NFKBIL1: variants seen among roughly 807,000 people sequenced by gnomAD.
The protein encoded by NFKBIL1 is NF-kappa-B inhibitor-like protein 1.
In NFKBIL1, 30 loss-of-function variants were observed where a neutral mutation model predicts 45.4. The ratio of observed to expected loss-of-function variants is 0.66; its 90% CI spans 0.49 to 0.90. The LOEUF (loss-of-function observed/expected upper bound fraction) is 0.90, where lower values mean the gene tolerates loss of function less well. Ranked by LOEUF, NFKBIL1 falls within the 40% of genes least tolerant of loss-of-function variation. The probability of loss-of-function intolerance (pLI) is 0.00; values close to 1 mark genes in which losing one functional copy is unlikely to be tolerated. For synonymous variants in NFKBIL1, 179 were observed against 197.3 expected (o/e 0.91, Z 0.78); for missense variants, 434 against 513.4 (o/e 0.85, Z 1.49).
chr6:31,553,172 G>A (rs1221950560), intron 2 of NFKBIL1, among the ~76,000 whole-genome samples: 3 of 151,002 alleles, frequency 2.0e-5, no homozygotes, highest in South Asian at 2.1e-4. Context: ...CTCCTGAGTA[G>A]CTGGGCACCT....
Position 31,557,970 on chromosome 6 carries a change from T to C in NFKBIL1, c.557-52T>C. The C allele has an allele frequency of 2.0e-6, 3 of 1,504,080 alleles. No homozygotes were observed. The highest frequency in any genetic ancestry group is 1.8e-6 in the Non-Finnish European group (2 of 1,114,562). The allele number at this position is 1,504,080 out of a possible 1,614,324, so 93.2% of individuals were successfully genotyped here. On this transcript the variant is annotated intron_variant, in intron 3 of 3. Transcript: ENST00000376148. The surrounding 1 kb of genome is among the most constrained non-coding windows in gnomAD (Gnocchi z 5.4). Reference sequence around the variant, plus strand: ...GTGCTTCCCTGCTTCTTGGGGCCCATCACCTTCTCACAGCCTCTCTCCAAC... The same window carrying C: ...GTGCTTCCCTGCTTCTTGGGGCCCACCACCTTCTCACAGCCTCTCTCCAAC...
chr6:31,552,685 C>CTTTTT (rs9279343), intron 2 of NFKBIL1, among the ~76,000 whole-genome samples: 3 of 55,558 alleles, frequency 5.4e-5, no homozygotes, highest in Admixed American at 5.3e-4. Context: ...GGCGGCATTT[C>CTTTTT]TTTTTTTTTT....
chr6:31,554,814 T>C (rs1769625371), intron 2 of NFKBIL1, among the ~76,000 whole-genome samples: 1 of 152,200 alleles, frequency 6.6e-6, no homozygotes, highest in Non-Finnish European at 1.5e-5. Context: ...AGGCTGAACA[T>C]TTTTTGAAAC....
Position 31,557,912 on chromosome 6 carries a change from T to C in NFKBIL1, c.556+63T>C, listed in dbSNP as rs906065669. Reference sequence around the variant, plus strand: ...ACTGGCTGCTTTCCATCTGCATGAATGCGTCACACTAGGCTCCTCTGCCCC... The same window carrying C: ...ACTGGCTGCTTTCCATCTGCATGAACGCGTCACACTAGGCTCCTCTGCCCC... On this transcript the variant is annotated intron_variant, in intron 3 of 3. Transcript: ENST00000376148. This position sits in a 1 kb window ranked among gnomAD's most constrained non-coding sequence, Gnocchi z 5.4. 10 of 1,512,950 alleles carry C rather than the reference T, an allele frequency of 6.6e-6. No individual in the cohort carries two copies. Among genetic ancestry groups the C allele is most frequent in the Non-Finnish European group, 8.1e-6 (9 of 1,115,738 alleles). 93.7% of individuals were successfully genotyped at this position (1,512,950 alleles called of 1,614,324 possible). A position where few individuals can be genotyped will look rare whatever the true frequency, so the allele number is the denominator to read the frequency against.
At chr6:31,549,106 CATTG>C (rs1488629754) in intron 2 of NFKBIL1, among the ~76,000 whole-genome samples, 1 of 152,132 alleles carries the variant, frequency 6.6e-6, no homozygotes, top group Admixed American at 6.5e-5. Flanking sequence ...TAGCATTGTA[CATTG>C]ATTGTGCCCA....
At chr6:31,555,905 C>T (rs904394437) in intron 2 of NFKBIL1, among the ~76,000 whole-genome samples, 4 of 150,660 alleles carry the variant, frequency 2.7e-5, no homozygotes, top group Admixed American at 1.3e-4. Context: ...ATTGTCCCCC[C>T]CCCCCAGCCT....
rs1002153130 is a variant in NFKBIL1 at position 31,558,449 on chromosome 6, G to A, written c.984G>A (p.Gly328=). ...VARGPPLEEQ[G]ALRRYLRVQQ... is the part of the protein sequence containing the mutation. ...GGGGCCCCCCTTTGGAGGAACAGGG[G>A]GCTCTGAGGAGGTACTTGAGGGTCC... The change falls in exon 4 of 4, where the codon GGG becomes GGA. Residue 328 remains glycine, a synonymous_variant. Transcript: ENST00000376148. This position sits in a 1 kb window ranked among gnomAD's most constrained non-coding sequence, Gnocchi z 7.2. 1 of 1,551,048 alleles carries A rather than the reference G, an allele frequency of 6.4e-7. No individual in the cohort carries two copies. Among genetic ancestry groups the A allele is most frequent in the East Asian group, 2.4e-5 (1 of 41,050 alleles).
In NFKBIL1 at chr6:31,548,392, G is replaced by A. The variant is rs777929159; in HGVS notation, c.287G>A (p.Arg96His). 1.3e-6 allele frequency: 2 copies of A among 1,551,464 alleles called. No homozygotes were observed. Among genetic ancestry groups the A allele is most frequent in the African/African-American group, 1.4e-5 (1 of 73,518 alleles). ...GGGGCTGACCCTGCCCACCAGGACC[G>A]CCATGGGGACACGGCACTGCATGCT... ...RLGADPAHQD[R>H]HGDTALHAAA... The change falls in exon 2 of 4, where the codon CGC becomes CAC. Residue 96 changes from arginine to histidine, a missense_variant. By Grantham distance (29) the Arg-to-His change is conservative (BLOSUM62 0). Transcript: ENST00000376148.
intron 2 of NFKBIL1, chr6:31,556,614 A>G (rs1387893726): frequency 2.2e-6 from 1 of 447,156 alleles, no homozygotes; most frequent in Non-Finnish European, 4.6e-6. Flanking sequence ...AGGGGAGTTC[A>G]GGAACGTCGG....
At chr6:31,551,489 T>C (rs1769425819) in intron 2 of NFKBIL1, among the ~76,000 whole-genome samples, 1 of 152,250 alleles carries the variant, frequency 6.6e-6, no homozygotes, top group African/African-American at 2.4e-5. Flanking sequence ...TCCCAGACCC[T>C]GGTGTCCTCT....
chr6:31,548,189 C>G lies in NFKBIL1; in HGVS notation c.84C>G (p.Ser28=). ...CCAAGAGTTCCATGGCCTCCACTTCCCGCCGCCAACGCCGAGAACGTCGCT... is the reference window on the plus strand; with the variant it reads ...CCAAGAGTTCCATGGCCTCCACTTCGCGCCGCCAACGCCGAGAACGTCGCT... The part of the protein sequence containing the change: ...CRPKSSMAST[S]RRQRRERRFR... The change falls in exon 2 of 4, where the codon TCC becomes TCG. Residue 28 remains serine, a synonymous_variant. Coordinates refer to ENST00000376148, the MANE Select transcript of NFKBIL1 (RefSeq NM_005007.4). The G allele has an allele frequency of 6.2e-7, 1 of 1,613,158 alleles. No homozygotes were observed. The highest frequency in any genetic ancestry group is 8.5e-7 in the Non-Finnish European group (1 of 1,180,052).
In NFKBIL1 at chr6:31,548,221, G is replaced by A. The variant is rs780529645; in HGVS notation, c.116G>A (p.Arg39His). The A allele has an allele frequency of 3.1e-6, 5 of 1,613,120 alleles. No individual in the cohort carries two copies. Among genetic ancestry groups the A allele is most frequent in the African/African-American group, 1.3e-5 (1 of 75,054 alleles). Residue 39 changes from arginine to histidine, a missense_variant, in exon 2 of 4, where the codon CGT becomes CAT. By Grantham distance (29) the Arg-to-His change is conservative. This residue lies in a region of NFKBIL1 where 231 missense variants were observed against 264.1 expected (regional missense o/e 0.87). Transcript: ENST00000376148. ...RRQRRERRFR[R>H]YLSAGRLVRA... ...CAACGCCGAGAACGTCGCTTTCGTC[G>A]TTACTTGTCTGCAGGACGGCTGGTC...
At position 31,557,233 on chromosome 6, in the gene NFKBIL1, G is replaced by A. The variant is rs943353073; in HGVS notation, c.335-395G>A. Among the ~76,000 whole-genome samples, 3 of 150,654 alleles carry A rather than the reference G, an allele frequency of 2.0e-5. No individual in the cohort carries two copies. Among genetic ancestry groups the A allele is most frequent in the African/African-American group, 5.0e-5 (2 of 40,374 alleles). On this transcript the variant is annotated intron_variant, in intron 2 of 3. Transcript: ENST00000376148. This position sits in a 1 kb window ranked among gnomAD's most constrained non-coding sequence, Gnocchi z 5.4. ...CATCATTCTCCTGCCTCAGCCTGCC[G>A]AGTAGCTGGGACTGCAGGCGCCCGC...
At chr6:31,555,235 C>CT (rs9279346) in intron 2 of NFKBIL1, among the ~76,000 whole-genome samples, 17,231 of 125,046 alleles carry the variant, frequency 0.14, 1,624 homozygotes, top group South Asian at 0.22. Context: ...TATTTTTTTT[C>CT]TTTTTTTTTT....
chr6:31,556,784 G>A (rs1562454876), intron 2 of NFKBIL1: 1 of 456,508 alleles, frequency 2.2e-6, no homozygotes, highest in Non-Finnish European at 4.4e-6. Context: ...TCATCCCCTG[G>A]TAAGGCTGGC....
rs9279343 is a variant in NFKBIL1 at position 31,552,685 on chromosome 6, CTTT to C, written c.334+4271_334+4273del. ...GTAAATCGCTATAAAGGCGGCATTT[CTTT>C]TTTTTTTTTTTTTTTTTTTTTTTTG... On this transcript the variant is annotated intron_variant, in intron 2 of 3. Coordinates refer to ENST00000376148, the MANE Select transcript of NFKBIL1 (RefSeq NM_005007.4). 9.1e-3 allele frequency among the ~76,000 whole-genome samples: 506 copies of C among 55,548 alleles called. 1 individual carries two copies. Among genetic ancestry groups the C allele is most frequent in the South Asian group, 0.034 (37 of 1,102 alleles). 36.4% of individuals were successfully genotyped at this position (55,548 alleles called of 152,430 possible). A position where few individuals can be genotyped will look rare whatever the true frequency, so the allele number is the denominator to read the frequency against.
At chr6:31,556,579 T>A in intron 2 of NFKBIL1, 1 of 410,542 alleles carries the variant, frequency 2.4e-6, no homozygotes, top group Non-Finnish European at 5.1e-6. Context: ...TTGGGCCAGA[T>A]GCAGCAAGGT....
chr6:31,553,171 AGC>A (rs1439424993), intron 2 of NFKBIL1, among the ~76,000 whole-genome samples: 2 of 149,792 alleles, frequency 1.3e-5, no homozygotes, highest in Non-Finnish European at 3.0e-5. Flanking sequence ...CCTCCTGAGT[AGC>A]TGGGCACCTG....
intron 2 of NFKBIL1, among the ~76,000 whole-genome samples, chr6:31,551,406 G>A (rs1401141389): frequency 2.0e-5 from 3 of 152,140 alleles, no homozygotes; most frequent in Non-Finnish European, 2.9e-5. Flanking sequence ...CAAAAGGTTC[G>A]GGAACTTGTC....
Sources: allele counts gnomAD v4.1 joint callset (sites outside exome capture counted in the v4.1 genomes callset), GRCh38; gene constraint gnomAD v4.1.1; regional missense constraint gnomAD v4.1.1; non-coding constraint Gnocchi (gnomAD v3.1); transcripts MANE v1.5; gene names NCBI Gene and HGNC (gene_info 2026-07-23, HGNC 2026-07-21).